Variants in JAK2 observed in about 807,000 individuals in gnomAD.
The protein encoded by JAK2 is Janus kinase 2, also known as tyrosine-protein kinase JAK2.
JAK2 carries 86 observed loss-of-function variants against 139.3 expected under a neutral mutation model. The ratio of observed to expected loss-of-function variants is 0.62; its 90% confidence interval spans 0.52 to 0.74. The LOEUF is 0.74. Ranked by LOEUF, JAK2 falls within the 30% of genes least tolerant of loss-of-function variation. The pLI is 0.00. For synonymous variants in JAK2, 490 were observed against 437.7 expected (o/e 1.12, Z -1.49); for missense variants, 1,421 against 1,360.3 (o/e 1.04, Z -0.70).
intron 2 of JAK2, among the ~76,000 whole-genome samples, chr9:5,001,251 G>A (rs1028329153): frequency 5.3e-5 from 8 of 152,128 alleles, no homozygotes; most frequent in Non-Finnish European, 8.8e-5. Context: ...TGGTGGTGGT[G>A]AGCATCCTTT....
At chr9:5,081,259 A>AT (rs111832472) in intron 18 of JAK2, among the ~76,000 whole-genome samples, 74,665 of 149,726 alleles carry the variant, frequency 0.5, 18,596 homozygotes, top group African/African-American at 0.51. Context: ...AAATTATAGT[A>AT]TTTTTTTTTT....
chr9:5,081,111 G>A (rs976978663), intron 18 of JAK2, among the ~76,000 whole-genome samples: 3 of 151,756 alleles, frequency 2.0e-5, no homozygotes, highest in African/African-American at 7.3e-5. Context: ...TAGCCAGGAT[G>A]GTCTCGATCT....
chr9:5,023,347 T>C (rs1822562398), intron 3 of JAK2, among the ~76,000 whole-genome samples: 1 of 152,202 alleles, frequency 6.6e-6, no homozygotes, highest in African/African-American at 2.4e-5. Flanking sequence ...ACATTCTTTT[T>C]TACGATGCCA....
chr9:5,006,568 C>T (rs1276261773), intron 2 of JAK2, among the ~76,000 whole-genome samples: 2 of 152,072 alleles, frequency 1.3e-5, no homozygotes, highest in Admixed American at 6.5e-5. Context: ...CTGGGAAGGC[C>T]TCAGGAAATT....
chr9:5,037,488 A>C (rs1050874636), intron 4 of JAK2, among the ~76,000 whole-genome samples: 1 of 152,238 alleles, frequency 6.6e-6, no homozygotes, highest in African/African-American at 2.4e-5. Flanking sequence ...CTGGATTAAG[A>C]AAATGTGGCA....
At chr9:5,064,862 C>G (rs768164110) in intron 8 of JAK2, 21 bp from the exon 9 acceptor site, 2 of 1,497,488 alleles carry the variant, frequency 1.3e-6, no homozygotes, top group Admixed American at 2.3e-5. Context: ...GGTGCTATTT[C>G]TTTTTCTTTT....
rs753783599 is a variant in JAK2 at position 5,123,037 on chromosome 9, T to C, written c.3093T>C (p.Phe1031=). Residue 1031 remains phenylalanine (F), a synonymous_variant, in exon 23 of 25, where the codon TTT becomes TTC. Transcript: ENST00000381652. Reference sequence around the variant, plus strand: ...CAGAATCACTGACAGAGAGCAAGTTTTCTGTGGCCTCAGATGTTTGGAGCT... The same window carrying C: ...CAGAATCACTGACAGAGAGCAAGTTCTCTGTGGCCTCAGATGTTTGGAGCT... ...YAPESLTESK[F]SVASDVWSFG... is the part of the protein sequence containing the mutation. 4 of 1,611,542 alleles carry C rather than the reference T, an allele frequency of 2.5e-6. No homozygotes were observed. Among genetic ancestry groups the C allele is most frequent in the Admixed American group, 1.7e-5 (1 of 59,754 alleles).
chr9:5,115,039 CA>C (rs1452568097), intron 22 of JAK2, among the ~76,000 whole-genome samples: 2 of 152,144 alleles, frequency 1.3e-5, no homozygotes, highest in African/African-American at 4.8e-5. Flanking sequence ...ACACCAAAAG[CA>C]ATGGCAACAA....
intron 14 of JAK2, among the ~76,000 whole-genome samples, chr9:5,075,437 T>C (rs1252105161): frequency 1.3e-5 from 2 of 152,184 alleles, no homozygotes; most frequent in African/African-American, 2.4e-5. Context: ...CCATTGGTGA[T>C]TTGAAATTCA....
intron 12 of JAK2, among the ~76,000 whole-genome samples, chr9:5,072,275 A>G (rs1819004955): frequency 6.6e-6 from 1 of 152,182 alleles, no homozygotes; most frequent in Non-Finnish European, 1.5e-5. Flanking sequence ...TAGAGCCAAA[A>G]TACACTTAAT....
intron 3 of JAK2, among the ~76,000 whole-genome samples, chr9:5,025,973 T>G (rs944745548): frequency 6.6e-6 from 1 of 152,256 alleles, no homozygotes; most frequent in African/African-American, 2.4e-5. Context: ...TAACTTATAA[T>G]TATGCTTTTT....
chr9:5,112,055 G>A (rs1044355098), intron 22 of JAK2: 1 of 406,546 alleles, frequency 2.5e-6, no homozygotes, highest in African/African-American at 2.1e-5. Flanking sequence ...GCTACGACGG[G>A]GGTCTCCACG....
At chr9:5,026,791 G>A (rs1318047289) in intron 3 of JAK2, among the ~76,000 whole-genome samples, 1 of 152,064 alleles carries the variant, frequency 6.6e-6, no homozygotes, top group Non-Finnish European at 1.5e-5. Context: ...TGTGGTTTAG[G>A]TATTCTCTTG....
At position 5,072,582 on chromosome 9, in the gene JAK2, G is replaced by T. The variant is rs1819034119; in HGVS notation, c.1732G>T (p.Val578Phe). 2 of 1,609,922 alleles carry T rather than the reference G, an allele frequency of 1.2e-6. No homozygotes were observed. The highest frequency in any genetic ancestry group is 1.7e-6 in the Non-Finnish European group (2 of 1,177,526). ...GDYGQLHETE[V>F]LLKVLDKAHR... ...CTACGGTCAACTGCATGAAACAGAA[G>T]TTCTTTTAAAAGTTCTGGATAAAGC... Residue 578 changes from valine to phenylalanine, a missense_variant, in exon 13 of 25, where the codon GTT becomes TTT. Physicochemically the swap from Val to Phe is conservative, Grantham distance 50 (BLOSUM62 -1). Transcript: ENST00000381652.
At chr9:5,067,212 C>G (rs1818630490) in intron 10 of JAK2, among the ~76,000 whole-genome samples, 1 of 151,908 alleles carries the variant, frequency 6.6e-6, no homozygotes. Context: ...AAAACTAGGT[C>G]AATAACAAAC....
chr9:5,101,451 C>T lies in JAK2; in HGVS notation c.3059+10540C>T, dbSNP rs374334761. Among the ~76,000 whole-genome samples, 20 of 152,360 alleles carry T rather than the reference C, an allele frequency of 1.3e-4. No individual in the cohort carries two copies. In the East Asian group the frequency reaches 2.7e-3, roughly 21 times the overall value. On this transcript the variant is annotated intron_variant, in intron 22 of 24. Coordinates refer to ENST00000381652, the MANE Select transcript of JAK2 (RefSeq NM_004972.4). The stretch of plus-strand genomic sequence containing the variant: ...CCTTTGTAGACCACACCTCTGGGGG[C>T]AGGGCATAGCTGAAAAGGCAGCAGA...
intron 10 of JAK2, among the ~76,000 whole-genome samples, chr9:5,068,562 G>A (rs1048758022): frequency 3.3e-5 from 5 of 152,156 alleles, no homozygotes; most frequent in Admixed American, 1.3e-4. Context: ...AAGATAGCAT[G>A]AAGAATTATC....
intron 12 of JAK2, among the ~76,000 whole-genome samples, chr9:5,070,488 A>G (rs1483973686): frequency 6.6e-6 from 1 of 152,110 alleles, no homozygotes; most frequent in Non-Finnish European, 1.5e-5. Flanking sequence ...CTTAAGTGGA[A>G]CCTGTGGATA....
rs143353763 is a variant in JAK2 at position 5,082,961 on chromosome 9, G to A, written c.2571+1100G>A. 5.5e-3 allele frequency among the ~76,000 whole-genome samples: 839 copies of A among 152,274 alleles called. 7 individuals carry two copies. Among genetic ancestry groups the A allele is most frequent in the African/African-American group, 0.019 (799 of 41,570 alleles). On this transcript the variant is annotated intron_variant, in intron 19 of 24. Transcript: ENST00000381652. ...TTCTTATGTCTTCCTTTTCTACATAGACACAGTAACACACTGATCTCTCTT... is the reference window on the plus strand; with the variant it reads ...TTCTTATGTCTTCCTTTTCTACATAAACACAGTAACACACTGATCTCTCTT...
Sources: gnomAD v4.1 joint callset for allele counts (sites outside exome capture counted in the v4.1 genomes callset) on GRCh38, gnomAD v4.1.1 for gene constraint, MANE v1.5 for transcripts, NCBI Gene and HGNC (gene_info 2026-07-23, HGNC 2026-07-21) for gene names.